Variants in PPARGC1A observed in about 807,000 individuals in gnomAD.
PPARGC1A encodes the protein peroxisome proliferator-activated receptor gamma coactivator 1-alpha.
Under a neutral mutation model 88.7 loss-of-function variants are expected in PPARGC1A, and 25 were observed. That is an observed-to-expected ratio of 0.28 (90% CI 0.21 to 0.39). PPARGC1A has a LOEUF of 0.39. Among genes scored for constraint, PPARGC1A ranks in the 10% least tolerant of loss-of-function variants. The pLI is 1.00. For missense variants in PPARGC1A, 880 were observed against 968.7 expected, an observed-to-expected ratio of 0.91 and a Z score of 1.22; for synonymous variants, 363 against 355.6, an observed-to-expected ratio of 1.02 and a Z score of -0.24.
chr4:23,837,214 GTCT>G (rs1373675689), intron 2 of PPARGC1A, among the ~76,000 whole-genome samples: 7 of 152,174 alleles, frequency 4.6e-5, no homozygotes, highest in Non-Finnish European at 7.4e-5. Flanking sequence ...AAACAGTGGG[GTCT>G]TCTTATCATT....
At chr4:24,085,892 A>T in the PPARGC1A span, among the ~76,000 whole-genome samples, 3 of 152,172 alleles carry the variant, frequency 2.0e-5, no homozygotes, top group Admixed American at 6.5e-5. Flanking sequence ...TCTGTTAGCC[A>T]GCCTCATCTA....
intron 2 of PPARGC1A, among the ~76,000 whole-genome samples, chr4:23,852,292 C>G (rs189673781): frequency 6.6e-6 from 1 of 152,272 alleles, no homozygotes; most frequent in East Asian, 1.9e-4. Flanking sequence ...TACTTAACAA[C>G]AGTTATTGAA....
In PPARGC1A at chr4:23,813,087, C is replaced by G. The variant is rs144103777; in HGVS notation, c.1832G>C (p.Arg611Pro). The part of the protein sequence containing the change: ...YYYESSHYRH[R>P]THRNSPLYVR... ...ATACAAGGGAGAATTTCGGTGCGTG[C>G]GGTGTCTGTAGTGGCTTGACTCATA... The change falls in exon 9 of 13, where the codon CGC becomes CCC. Residue 611 changes from arginine (R) to proline (P), a missense_variant. Transcript: ENST00000264867. 6.2e-7 allele frequency: 1 copy of G among 1,614,002 alleles called. No individual in the cohort carries two copies. Among genetic ancestry groups the G allele is most frequent in the Non-Finnish European group, 8.5e-7 (1 of 1,179,930 alleles).
At chr4:24,417,184 A>C in the PPARGC1A span, among the ~76,000 whole-genome samples, 6 of 152,184 alleles carry the variant, frequency 3.9e-5, no homozygotes, top group Non-Finnish European at 8.8e-5. Flanking sequence ...GAGGAAACAG[A>C]ATGTAAAGTT....
At chr4:24,395,224 C>T in the PPARGC1A span, among the ~76,000 whole-genome samples, 80 of 152,264 alleles carry the variant, frequency 5.3e-4, no homozygotes, top group African/African-American at 1.9e-3. Context: ...AGCATTTCCC[C>T]GCCTAGATTA....
At chr4:24,183,811 AT>A in the PPARGC1A span, among the ~76,000 whole-genome samples, 3 of 152,246 alleles carry the variant, frequency 2.0e-5, no homozygotes, top group Admixed American at 6.5e-5. Flanking sequence ...CCTCACGGAA[AT>A]TTTTTTTAAT....
At chr4:24,093,556 A>G in the PPARGC1A span, among the ~76,000 whole-genome samples, 416 of 152,294 alleles carry the variant, frequency 2.7e-3, 5 homozygotes, top group East Asian at 0.051. Context: ...AAAGGCCAGA[A>G]GACCAAGTTT....
chr4:23,954,364 C>T, the PPARGC1A span, among the ~76,000 whole-genome samples: 5 of 151,972 alleles, frequency 3.3e-5, no homozygotes, highest in South Asian at 2.1e-4. Flanking sequence ...TTTTAAGCAA[C>T]GGTCATTTTA....
At chr4:24,096,474 A>G in the PPARGC1A span, among the ~76,000 whole-genome samples, 1 of 152,238 alleles carries the variant, frequency 6.6e-6, no homozygotes, top group South Asian at 2.1e-4. Context: ...TCTGTTGTCA[A>G]CACCATCCAC....
At chr4:24,022,534 T>C in the PPARGC1A span, among the ~76,000 whole-genome samples, 9 of 152,160 alleles carry the variant, frequency 5.9e-5, no homozygotes, top group Admixed American at 5.9e-4. Flanking sequence ...TAGCAAAGCA[T>C]GTGGCACATG....
chr4:23,811,544 C>T (rs539014830), intron 10 of PPARGC1A, among the ~76,000 whole-genome samples: 8 of 152,206 alleles, frequency 5.3e-5, no homozygotes, highest in Admixed American at 2.6e-4. Flanking sequence ...GTTCCATTAT[C>T]GATTAGGAAT....
At chr4:24,102,705 T>C in the PPARGC1A span, among the ~76,000 whole-genome samples, 4 of 152,210 alleles carry the variant, frequency 2.6e-5, no homozygotes, top group African/African-American at 7.2e-5. Context: ...CATCCTCAAA[T>C]ACTTCCAGTT....
At chr4:23,973,872 A>G in the PPARGC1A span, among the ~76,000 whole-genome samples, 2 of 152,200 alleles carry the variant, frequency 1.3e-5, no homozygotes, top group African/African-American at 4.8e-5. Context: ...AAGGTATTGC[A>G]TCACCAAGTC....
intron 2 of PPARGC1A, among the ~76,000 whole-genome samples, chr4:23,879,333 A>G (rs1197715904): frequency 2.6e-5 from 4 of 152,200 alleles, no homozygotes; most frequent in Admixed American, 1.3e-4. Context: ...GACAAGTGAA[A>G]AAAAGCAGAC....
At chr4:24,240,694 G>A in the PPARGC1A span, among the ~76,000 whole-genome samples, 2 of 152,134 alleles carry the variant, frequency 1.3e-5, no homozygotes, top group Non-Finnish European at 2.9e-5. Flanking sequence ...GGGATATAAA[G>A]CAATTTTGCC....
chr4:24,213,323 G>C, the PPARGC1A span, among the ~76,000 whole-genome samples: 9 of 151,708 alleles, frequency 5.9e-5, no homozygotes, highest in Admixed American at 1.3e-4. Context: ...CCCACCACCC[G>C]GCCCGGCTAA....
At chr4:24,032,250 A>G in the PPARGC1A span, among the ~76,000 whole-genome samples, 1 of 152,200 alleles carries the variant, frequency 6.6e-6, no homozygotes. Flanking sequence ...TGCTAGGTAC[A>G]TATTACCACT....
At chr4:24,102,459 G>A in the PPARGC1A span, among the ~76,000 whole-genome samples, 1 of 152,196 alleles carries the variant, frequency 6.6e-6, no homozygotes, top group Non-Finnish European at 1.5e-5. Context: ...TTGGGGACAA[G>A]GGTCCTTCTG....
intron 2 of PPARGC1A, among the ~76,000 whole-genome samples, chr4:23,844,475 A>AT (rs1389542552): frequency 2.1e-5 from 1 of 48,174 alleles, no homozygotes; most frequent in Non-Finnish European, 3.6e-5. Context: ...ATTCTATATT[A>AT]ATATATTATA....
Sources: gnomAD v4.1 joint callset for allele counts (sites outside exome capture counted in the v4.1 genomes callset) on GRCh38, gnomAD v4.1.1 for gene constraint, MANE v1.5 for transcripts, NCBI Gene and HGNC (gene_info 2026-07-23, HGNC 2026-07-21) for gene names.